Variants in CDC34 observed in about 807,000 individuals in gnomAD.
CDC34 encodes the protein cell division cycle 34, ubiquitin conjugating enzyme, also known as ubiquitin-conjugating enzyme E2 R1.
In CDC34, 18 loss-of-function variants were observed where a neutral mutation model predicts 26.8. The ratio of observed to expected loss-of-function variants is 0.67; its 90% CI spans 0.47 to 1.00. The LOEUF (loss-of-function observed/expected upper bound fraction) is 1.00, where lower values mean the gene tolerates loss of function less well. CDC34 is among the 50% of genes least tolerant of loss of function. The pLI is 0.00. For missense variants in CDC34, 280 were observed against 334.5 expected, an observed-to-expected ratio of 0.84 and a Z score of 1.27; for synonymous variants, 178 against 147.5, an observed-to-expected ratio of 1.21 and a Z score of -1.50.
rs981292111 is a variant in CDC34, at chr19:531,869, C to T, written c.-63C>T. On this transcript the variant is annotated 5_prime_UTR_variant, in exon 1 of 5. Coordinates refer to ENST00000215574, the MANE Select transcript of CDC34 (RefSeq NM_004359.2). ...GGACGGTGCGCGGCCCGGCCCGTCT[C>T]GCGAACTCGCGGTGGTCGCGCGGCC... 12 of 1,127,580 alleles carry T rather than the reference C, an allele frequency of 1.1e-5. No homozygotes were observed. The highest frequency in any genetic ancestry group is 1.2e-5 in the Non-Finnish European group (11 of 895,658). 69.8% of individuals were successfully genotyped at this position (1,127,580 alleles called of 1,614,324 possible).
Position 535,818 on chromosome 19 carries a change from C to G in CDC34, c.178-19C>G, listed in dbSNP as rs1203383704. ...TTGGGGCTGGGCTGGACTGAGCCACCTGCCTTCTGCCCCTGCAGGCGCGCC... is the reference window on the plus strand; with the variant it reads ...TTGGGGCTGGGCTGGACTGAGCCACGTGCCTTCTGCCCCTGCAGGCGCGCC... On this transcript the variant is annotated intron_variant, in intron 1 of 4. Coordinates refer to ENST00000215574, the MANE Select transcript of CDC34 (RefSeq NM_004359.2). 3 of 1,606,574 alleles carry G rather than the reference C, an allele frequency of 1.9e-6. No individual in the cohort carries two copies. The highest frequency in any genetic ancestry group is 2.6e-6 in the Non-Finnish European group (3 of 1,174,160).
intron 4 of CDC34, among the ~76,000 whole-genome samples, chr19:540,937 C>T (rs1042996086): frequency 1.2e-4 from 18 of 152,334 alleles, no homozygotes; most frequent in African/African-American, 4.1e-4. Flanking sequence ...ATGGTCCTGC[C>T]TCCTGTCCTT....
rs544398196 is a variant in CDC34, at chr19:541,117, G to A, written c.498-222G>A. 38 of 561,282 alleles carry A rather than the reference G, an allele frequency of 6.8e-5. No individual in the cohort carries two copies. The East Asian group carries it at 9.3e-4, about 14-fold the overall frequency. 34.8% of individuals were successfully genotyped at this position (561,282 alleles called of 1,614,324 possible). A position where few individuals can be genotyped will look rare whatever the true frequency, so the allele number is the denominator to read the frequency against. ...AGGCGGGTGTGACTGCACTGCGCCC[G>A]TCCAGCCTCCCACCCGCACCTCCTG... On this transcript the variant is annotated intron_variant, in intron 4 of 4. Coordinates refer to ENST00000215574, the MANE Select transcript of CDC34 (RefSeq NM_004359.2).
In CDC34 at chr19:535,822, C is replaced by T. The variant is rs757694547; in HGVS notation, c.178-15C>T. 5 of 1,609,254 alleles carry T rather than the reference C, an allele frequency of 3.1e-6. No homozygotes were observed. The African/African-American group carries it at 6.7e-5, about 22-fold the overall frequency. ...GGCTGGGCTGGACTGAGCCACCTGC[C>T]TTCTGCCCCTGCAGGCGCGCCTCAA... is the stretch of plus-strand genomic sequence containing the variant. On this transcript the variant is annotated splice_polypyrimidine_tract_variant and intron_variant, in intron 1 of 4. Coordinates refer to ENST00000215574, the MANE Select transcript of CDC34 (RefSeq NM_004359.2).
chr19:535,449 G>A (rs1979695254), intron 1 of CDC34, among the ~76,000 whole-genome samples: 1 of 152,242 alleles, frequency 6.6e-6, no homozygotes, highest in South Asian at 2.1e-4. Context: ...CTCCATCCAA[G>A]GGGAGCCTGG....
rs186090936 is a variant in CDC34 at position 534,592 on chromosome 19, C to T, written c.178-1245C>T. Among the ~76,000 whole-genome samples, 96 of 111,642 alleles carry T rather than the reference C, an allele frequency of 8.6e-4. 1 individual carries two copies. The highest frequency in any genetic ancestry group is 3.3e-3 in the African/African-American group (91 of 27,626). The allele number at this position is 111,642 out of a possible 152,430, so 73.2% of individuals were successfully genotyped here. A position where few individuals can be genotyped will look rare whatever the true frequency, so the allele number is the denominator to read the frequency against. ...GGCCTCGCCCACGATCCAAGACCCC[C>T]GAGTGCCCGCCCTGTCCAGACCTCG... On this transcript the variant is annotated intron_variant, in intron 1 of 4. Coordinates refer to ENST00000215574, the MANE Select transcript of CDC34 (RefSeq NM_004359.2).
intron 1 of CDC34, among the ~76,000 whole-genome samples, chr19:533,345 A>C (rs1257541554): frequency 2.0e-5 from 3 of 152,168 alleles, no homozygotes; most frequent in African/African-American, 7.2e-5. Flanking sequence ...TGCCTCCCGC[A>C]CGATATGTGT....
intron 1 of CDC34, among the ~76,000 whole-genome samples, chr19:534,268 G>T (rs1232728085): frequency 2.0e-5 from 3 of 152,062 alleles, no homozygotes; most frequent in Non-Finnish European, 4.4e-5. Context: ...TGCCTTACGG[G>T]GCACCAGTGA....
intron 4 of CDC34, chr19:538,624 A>T: frequency 1.2e-6 from 1 of 835,924 alleles, no homozygotes; most frequent in Non-Finnish European, 1.4e-6. Flanking sequence ...ACAGAATCTT[A>T]AAAACAACTT....
intron 4 of CDC34, 146 bp from the exon 5 acceptor site, chr19:541,193 C>T (rs1295260504): frequency 1.9e-6 from 2 of 1,062,238 alleles, no homozygotes; most frequent in African/African-American, 1.6e-5. Flanking sequence ...GTTCCTCACG[C>T]ACAGGGCTTT....
chr19:541,384 G>A lies in CDC34; in HGVS notation c.543G>A (p.Val181=). 1 of 1,609,664 alleles carries A rather than the reference G, an allele frequency of 6.2e-7. No individual in the cohort carries two copies. Among genetic ancestry groups the A allele is most frequent in the Non-Finnish European group, 8.5e-7 (1 of 1,179,098 alleles). ...GTKVDAERDG[V]KVPTTLAEYC... is the part of the protein sequence containing the mutation. ...AGGTGGACGCGGAGCGTGACGGCGT[G>A]AAGGTGCCCACCACGCTGGCCGAGT... Residue 181 remains valine (V), a synonymous_variant, in exon 5 of 5, where the codon GTG becomes GTA. Coordinates refer to ENST00000215574, the MANE Select transcript of CDC34 (RefSeq NM_004359.2).
chr19:531,878 G>T lies in CDC34; in HGVS notation c.-54G>T. On this transcript the variant is annotated 5_prime_UTR_variant, in exon 1 of 5. Transcript: ENST00000215574. The stretch of plus-strand genomic sequence containing the variant: ...GCGGCCCGGCCCGTCTCGCGAACTC[G>T]CGGTGGTCGCGCGGCCCCGCGCTGC... 10 of 1,185,600 alleles carry T rather than the reference G, an allele frequency of 8.4e-6. No homozygotes were observed. The highest frequency in any genetic ancestry group is 1.1e-5 in the Non-Finnish European group (10 of 945,144). The allele number at this position is 1,185,600 out of a possible 1,614,324, so 73.4% of individuals were successfully genotyped here.
intron 1 of CDC34, 42 bp from the exon 2 acceptor site, chr19:535,795 G>A (rs753556081): frequency 1.3e-6 from 2 of 1,508,802 alleles, no homozygotes; most frequent in African/African-American, 1.4e-5. Flanking sequence ...GGCAGGTCTT[G>A]GGGCTGGGCT....
chr19:532,552 G>A (rs968532086), intron 1 of CDC34, among the ~76,000 whole-genome samples: 8 of 147,716 alleles, frequency 5.4e-5, no homozygotes, highest in Admixed American at 4.0e-4. Context: ...CGCCCTCCCC[G>A]GAGGAGACAA....
In CDC34 at chr19:533,395, C is replaced by T. The variant is rs16990517; in HGVS notation, c.177+1287C>T. 8.4e-3 allele frequency among the ~76,000 whole-genome samples: 1,276 copies of T among 152,358 alleles called. 9 individuals are homozygous for T. Among genetic ancestry groups the T allele is most frequent in the African/African-American group, 0.029 (1,217 of 41,576 alleles). On this transcript the variant is annotated intron_variant, in intron 1 of 4. Coordinates refer to ENST00000215574, the MANE Select transcript of CDC34 (RefSeq NM_004359.2). ...AATTAGTGTCTGAACCGCACCCGCTCAGCGGCTGTGAGGGCAGCAGCCTGG... is the reference window on the plus strand; with the variant it reads ...AATTAGTGTCTGAACCGCACCCGCTTAGCGGCTGTGAGGGCAGCAGCCTGG...
rs1411986019 is a variant in CDC34 at position 541,479 on chromosome 19, A to G, written c.638A>G (p.Asp213Gly). ...SDLFYDDYYEDGEVEEEADSC... is the reference protein window; with the variant it reads ...SDLFYDDYYEGGEVEEEADSC... ...CTCTTCTACGACGACTACTACGAGG[A>G]CGGCGAGGTGGAGGAGGAGGCCGAC... The change falls in exon 5 of 5, where the codon GAC (aspartate) becomes GGC (glycine). Residue 213 changes from aspartate to glycine, a missense_variant. Coordinates refer to ENST00000215574, the MANE Select transcript of CDC34 (RefSeq NM_004359.2). 1 of 1,611,898 alleles carries G rather than the reference A, an allele frequency of 6.2e-7. No homozygotes were observed. Among genetic ancestry groups the G allele is most frequent in the Non-Finnish European group, 8.5e-7 (1 of 1,179,280 alleles).
chr19:536,278 G>A lies in CDC34; in HGVS notation c.300G>A (p.Pro100=), dbSNP rs769783473. 6.1e-5 allele frequency: 99 copies of A among 1,611,898 alleles called. No individual in the cohort carries two copies. Among genetic ancestry groups the A allele is most frequent in the Middle Eastern group, 1.6e-4 (1 of 6,080 alleles). ...GDVCISILHP[P]VDDPQSGELP... ...TGTGTATCTCCATCCTCCACCCGCCGGTGGACGACCCCCAGAGCGGGGAGC... is the reference window on the plus strand; with the variant it reads ...TGTGTATCTCCATCCTCCACCCGCCAGTGGACGACCCCCAGAGCGGGGAGC... Residue 100 remains proline, a synonymous_variant, in exon 3 of 5, where the codon CCG becomes CCA. Coordinates refer to ENST00000215574, the MANE Select transcript of CDC34 (RefSeq NM_004359.2).
At chr19:535,591 C>T (rs72972115) in intron 1 of CDC34, among the ~76,000 whole-genome samples, 3 of 152,346 alleles carry the variant, frequency 2.0e-5, no homozygotes, top group Non-Finnish European at 2.9e-5. Flanking sequence ...TGTGCTGGGC[C>T]GGGTCCCGGC....
chr19:536,871 T>C, intron 3 of CDC34, 142 bp from the exon 4 acceptor site: 2 of 878,330 alleles, frequency 2.3e-6, no homozygotes, highest in Non-Finnish European at 3.6e-6. Flanking sequence ...TCTGGGGGCC[T>C]GAGACAGAAG....
Sources: gnomAD v4.1 joint callset for allele counts (sites outside exome capture counted in the v4.1 genomes callset) on GRCh38, gnomAD v4.1.1 for gene constraint, MANE v1.5 for transcripts, NCBI Gene and HGNC (gene_info 2026-07-23, HGNC 2026-07-21) for gene names.